Variants in DOCK1 observed in about 807,000 individuals in gnomAD.
The protein encoded by DOCK1 is dedicator of cytokinesis 1, also known as dedicator of cytokinesis protein 1.
DOCK1 carries 138 observed loss-of-function variants against 262.7 expected under a neutral mutation model. That is an observed-to-expected ratio of 0.53 (90% CI 0.46 to 0.61). DOCK1 has a LOEUF of 0.61. Among genes scored for constraint, DOCK1 ranks in the 20% least tolerant of loss-of-function variants. The probability of loss-of-function intolerance (pLI) is 0.00; values close to 1 mark genes in which losing one functional copy is unlikely to be tolerated. For synonymous variants in DOCK1, 866 were observed against 867.4 expected (o/e 1.00, Z 0.03); for missense variants, 1,908 against 2,370.7 (o/e 0.80, Z 4.05).
intron 29 of DOCK1, among the ~76,000 whole-genome samples, chr10:127,308,860 A>G (rs531977471): frequency 1.3e-5 from 2 of 152,192 alleles, no homozygotes; most frequent in Non-Finnish European, 2.9e-5. Flanking sequence ...GGTTGGTTCC[A>G]TGTCTTTGCT....
At chr10:127,116,041 T>G (rs1357489559) in intron 25 of DOCK1, among the ~76,000 whole-genome samples, 1 of 152,202 alleles carries the variant, frequency 6.6e-6, no homozygotes, top group African/African-American at 2.4e-5. Flanking sequence ...GCTACCCCTT[T>G]TTGGTCTTGC....
In DOCK1 at chr10:127,439,041, C is replaced by T; in HGVS notation, c.5075C>T (p.Pro1692Leu). 1 of 1,551,904 alleles carries T rather than the reference C, an allele frequency of 6.4e-7. No homozygotes were observed. Among genetic ancestry groups the T allele is most frequent in the Non-Finnish European group, 8.7e-7 (1 of 1,147,172 alleles). The change falls in exon 49 of 52, where the codon CCT (proline) becomes CTT (leucine). Residue 1692 changes from proline to leucine, a missense_variant. Physicochemically the swap from Pro to Leu is moderately conservative, Grantham distance 98. Transcript: ENST00000623213. ...CTTTCCTTTAGGTTTGCCCTGGAGCCTCTCCTGCCAAAGAAAATGCACTCC... is the reference window on the plus strand; with the variant it reads ...CTTTCCTTTAGGTTTGCCCTGGAGCTTCTCCTGCCAAAGAAAATGCACTCC... ...RPGSDGFALE[P>L]LLPKKMHSRS... is the part of the protein sequence containing the mutation.
chr10:127,424,407 C>T (rs909603681), intron 46 of DOCK1, among the ~76,000 whole-genome samples: 3 of 152,200 alleles, frequency 2.0e-5, no homozygotes, highest in Non-Finnish European at 2.9e-5. Flanking sequence ...ACACCAACAA[C>T]AGCAAAACTC....
At chr10:127,255,019 G>T (rs1169940112) in intron 28 of DOCK1, among the ~76,000 whole-genome samples, 2 of 152,294 alleles carry the variant, frequency 1.3e-5, no homozygotes, top group Admixed American at 1.3e-4. Context: ...GCAGACAGAG[G>T]TATGACACGA....
chr10:127,213,421 T>G (rs959183534), intron 27 of DOCK1, among the ~76,000 whole-genome samples: 1 of 152,238 alleles, frequency 6.6e-6, no homozygotes, highest in African/African-American at 2.4e-5. Context: ...TGTGTACTTC[T>G]GAGCTAGGGT....
chr10:126,938,751 ACACCGG>A (rs2034728260), intron 1 of DOCK1, among the ~76,000 whole-genome samples: 1 of 151,694 alleles, frequency 6.6e-6, no homozygotes, highest in Non-Finnish European at 1.5e-5. Context: ...GAGGGGATGA[ACACCGG>A]AGGGGATGAA....
intron 27 of DOCK1, among the ~76,000 whole-genome samples, chr10:127,208,609 A>G (rs1458265414): frequency 6.6e-6 from 1 of 152,184 alleles, no homozygotes; most frequent in African/African-American, 2.4e-5. Flanking sequence ...TTTGAATATT[A>G]TATTTAATGC....
chr10:127,266,088 G>A (rs1368420308), intron 29 of DOCK1, among the ~76,000 whole-genome samples: 2 of 152,234 alleles, frequency 1.3e-5, no homozygotes, highest in Non-Finnish European at 2.9e-5. Context: ...CAGGACCATG[G>A]CACCAGTGGC....
intron 37 of DOCK1, among the ~76,000 whole-genome samples, chr10:127,383,982 C>T (rs2065964006): frequency 6.6e-6 from 1 of 152,108 alleles, no homozygotes; most frequent in Non-Finnish European, 1.5e-5. Context: ...GTAGCCTGGT[C>T]CTAGCTCACG....
chr10:127,243,242 C>T (rs1352275558), intron 27 of DOCK1, among the ~76,000 whole-genome samples: 1 of 152,150 alleles, frequency 6.6e-6, no homozygotes, highest in Non-Finnish European at 1.5e-5. Context: ...ATACTTAGAC[C>T]TTCCACTAGG....
chr10:127,022,495 G>A (rs532308100), intron 13 of DOCK1, among the ~76,000 whole-genome samples: 2 of 152,126 alleles, frequency 1.3e-5, no homozygotes, highest in African/African-American at 4.8e-5. Flanking sequence ...CAGGATCTCG[G>A]TTTGCGGCAA....
chr10:127,137,691 A>C, intron 27 of DOCK1: 1 of 665,464 alleles, frequency 1.5e-6, no homozygotes, highest in Non-Finnish European at 2.5e-6. Context: ...CTATTGGTAC[A>C]AAGGCCTTTT....
chr10:127,036,043 T>TAAATAAAAAAAA (rs1554870785), intron 18 of DOCK1, among the ~76,000 whole-genome samples: 3 of 147,562 alleles, frequency 2.0e-5, no homozygotes, highest in East Asian at 2.0e-4. Flanking sequence ...AATAAATAAA[T>TAAATAAAAAAAA]AAAAAAGAGT....
At chr10:126,958,481 G>A (rs1401291046) in intron 1 of DOCK1, among the ~76,000 whole-genome samples, 1 of 152,168 alleles carries the variant, frequency 6.6e-6, no homozygotes, top group African/African-American at 2.4e-5. Context: ...TGGCATTTTG[G>A]CACAATGGGT....
chr10:127,076,544 C>T (rs1398760881), intron 23 of DOCK1, among the ~76,000 whole-genome samples: 2 of 152,152 alleles, frequency 1.3e-5, no homozygotes, highest in African/African-American at 2.4e-5. Context: ...CGGGTCGTGG[C>T]GTAAACCTTG....
At chr10:126,911,122 A>G (rs1042370518) in intron 1 of DOCK1, among the ~76,000 whole-genome samples, 2 of 152,204 alleles carry the variant, frequency 1.3e-5, no homozygotes, top group East Asian at 1.9e-4. Context: ...GAAACTGCCA[A>G]ACTTTCCTGG....
intron 12 of DOCK1, among the ~76,000 whole-genome samples, chr10:127,017,544 GAC>G (rs58811944): frequency 0.36 from 53,904 of 150,028 alleles, 9,738 homozygotes; most frequent in South Asian, 0.45. Flanking sequence ...TGGACACACA[GAC>G]ACACACACAC....
intron 1 of DOCK1, among the ~76,000 whole-genome samples, chr10:126,942,230 A>T (rs1216215376): frequency 1.3e-5 from 2 of 152,104 alleles, no homozygotes; most frequent in African/African-American, 4.8e-5. Flanking sequence ...TCACCATGTT[A>T]GCCAGGATGG....
At chr10:127,173,644 C>G (rs1255183389) in intron 27 of DOCK1, among the ~76,000 whole-genome samples, 1 of 152,144 alleles carries the variant, frequency 6.6e-6, no homozygotes, top group Admixed American at 6.5e-5. Flanking sequence ...GTTTAATTCA[C>G]TACCAACTAT....
Sources: allele counts gnomAD v4.1 joint callset (sites outside exome capture counted in the v4.1 genomes callset), GRCh38; gene constraint gnomAD v4.1.1; transcripts MANE v1.5; gene names NCBI Gene and HGNC (gene_info 2026-07-23, HGNC 2026-07-21).